The following ZC2HC1A variants were observed in gnomAD, a reference collection of about 807,000 sequenced individuals.
ZC2HC1A encodes zinc finger C2HC domain-containing protein 1A.
ZC2HC1A carries 28 observed loss-of-function variants against 40.7 expected under a neutral mutation model. That is an observed-to-expected ratio of 0.69 (90% CI 0.51 to 0.94). The LOEUF (loss-of-function observed/expected upper bound fraction) is 0.94, where lower values mean the gene tolerates loss of function less well. ZC2HC1A is among the 40% of genes least tolerant of loss of function. ZC2HC1A has a pLI of 0.00. For synonymous variants in ZC2HC1A, 129 were observed against 129.2 expected (o/e 1.00, Z 0.01); for missense variants, 389 against 386.3 (o/e 1.01, Z -0.06).
chr8:78,677,968 T>A (rs922050168), intron 2 of ZC2HC1A, among the ~76,000 whole-genome samples: 2 of 152,114 alleles, frequency 1.3e-5, no homozygotes, highest in African/African-American at 4.8e-5. Flanking sequence ...TTTTAAACCA[T>A]ATAGGGTAAC....
intron 3 of ZC2HC1A, among the ~76,000 whole-genome samples, chr8:78,680,994 G>A (rs544279800): frequency 1.3e-5 from 2 of 152,200 alleles, no homozygotes; most frequent in African/African-American, 2.4e-5. Flanking sequence ...AGTTGAGGAG[G>A]CCTAGTGGCA....
chr8:78,682,898 T>TG (rs1809834431), intron 3 of ZC2HC1A, among the ~76,000 whole-genome samples: 1 of 152,112 alleles, frequency 6.6e-6, no homozygotes, highest in African/African-American at 2.4e-5. Context: ...ATTGGAGAAA[T>TG]GGGCCAAAAC....
At chr8:78,714,836 C>G (rs1452714158) in intron 7 of ZC2HC1A, among the ~76,000 whole-genome samples, 1 of 152,014 alleles carries the variant, frequency 6.6e-6, no homozygotes, top group Non-Finnish European at 1.5e-5. Context: ...ATCGTATATG[C>G]CTAGAATAAT....
chr8:78,698,050 T>G (rs914064729), intron 6 of ZC2HC1A, among the ~76,000 whole-genome samples: 1 of 152,180 alleles, frequency 6.6e-6, no homozygotes, highest in Non-Finnish European at 1.5e-5. Flanking sequence ...CTGTTCAGAA[T>G]AGTCAGCCCA....
intron 1 of ZC2HC1A, among the ~76,000 whole-genome samples, chr8:78,672,410 C>A (rs528277224): frequency 2.0e-5 from 3 of 151,996 alleles, no homozygotes; most frequent in South Asian, 2.1e-4. Flanking sequence ...ATAATACATG[C>A]GGTTTGCATA....
At chr8:78,705,350 G>A (rs1305841887) in intron 7 of ZC2HC1A, among the ~76,000 whole-genome samples, 1 of 152,082 alleles carries the variant, frequency 6.6e-6, no homozygotes, top group Non-Finnish European at 1.5e-5. Flanking sequence ...GTGTATGCTG[G>A]GTGTCCACTC....
chr8:78,666,114 T>A lies in ZC2HC1A; in HGVS notation c.-35T>A, dbSNP rs754770033. On this transcript the variant is annotated 5_prime_UTR_variant, in exon 1 of 9. Coordinates refer to ENST00000263849, the MANE Select transcript of ZC2HC1A (RefSeq NM_016010.3). ...AGAGCTGGGCGGTGGCGGGCGCTGC[T>A]GAAGGAGTCTCGCTGAGCTCGAGGA... The A allele has an allele frequency of 1.9e-6, 3 of 1,560,758 alleles. No individual in the cohort carries two copies. Among genetic ancestry groups the A allele is most frequent in the East Asian group, 2.4e-5 (1 of 42,186 alleles).
intron 8 of ZC2HC1A, 149 bp downstream of exon 8, chr8:78,715,477 T>C (rs1563641675): frequency 3.0e-6 from 2 of 656,120 alleles, no homozygotes; most frequent in South Asian, 2.4e-5. Flanking sequence ...ACACCTCTAA[T>C]GGATTTGGGC....
intron 7 of ZC2HC1A, 134 bp from the exon 8 acceptor site, chr8:78,715,087 A>C (rs1443463622): frequency 1.3e-6 from 1 of 741,250 alleles, no homozygotes; most frequent in African/African-American, 1.8e-5. Context: ...CAGATTTAAA[A>C]TAATTATTGG....
intron 1 of ZC2HC1A, among the ~76,000 whole-genome samples, chr8:78,669,206 C>T (rs1809378268): frequency 6.6e-6 from 1 of 151,988 alleles, no homozygotes; most frequent in African/African-American, 2.4e-5. Context: ...TTTTAATAGA[C>T]AGTATATTGG....
chr8:78,676,952 T>G (rs938788174), intron 2 of ZC2HC1A, among the ~76,000 whole-genome samples: 2 of 152,050 alleles, frequency 1.3e-5, no homozygotes, highest in African/African-American at 4.8e-5. Context: ...AAGGAACATA[T>G]GTACATGGGT....
At chr8:78,669,012 T>C (rs1414307094) in intron 1 of ZC2HC1A, among the ~76,000 whole-genome samples, 1 of 152,212 alleles carries the variant, frequency 6.6e-6, no homozygotes, top group Non-Finnish European at 1.5e-5. Flanking sequence ...CTCTAAAACT[T>C]GATTAGAAGA....
rs180682052 is a variant in ZC2HC1A, at chr8:78,717,171, A to G, written c.813-157A>G. Among the ~76,000 whole-genome samples the G allele has an allele frequency of 3.5e-3, 529 of 152,322 alleles. 16 individuals carry two copies. The highest frequency in any genetic ancestry group is 4.7e-4 in the Non-Finnish European group (32 of 68,028). ...TAAAAAAAAATGTTAGAATTTTAGT[A>G]TTTACTAACAAGGATTTTTTAAAAT... On this transcript the variant is annotated intron_variant, in intron 8 of 8. Coordinates refer to ENST00000263849, the MANE Select transcript of ZC2HC1A (RefSeq NM_016010.3).
intron 5 of ZC2HC1A, among the ~76,000 whole-genome samples, chr8:78,696,191 C>T (rs1810405800): frequency 1.3e-5 from 2 of 151,914 alleles, no homozygotes; most frequent in African/African-American, 4.8e-5. Context: ...CCCGCTACCA[C>T]GCCCGGCTAA....
chr8:78,717,596 G>T lies in ZC2HC1A; in HGVS notation c.*103G>T. The T allele has an allele frequency of 7.9e-7, 1 of 1,269,828 alleles. No homozygotes were observed. The highest frequency in any genetic ancestry group is 1.1e-6 in the Non-Finnish European group (1 of 932,596). The allele number at this position is 1,269,828 out of a possible 1,614,324, so 78.7% of individuals were successfully genotyped here. Reference sequence around the variant, plus strand: ...TAGTTAGTTTGTGCTAAAAATACTCGAAATACCATTTCCAGTTAATTTTGA... The same window carrying T: ...TAGTTAGTTTGTGCTAAAAATACTCTAAATACCATTTCCAGTTAATTTTGA... On this transcript the variant is annotated 3_prime_UTR_variant, in exon 9 of 9. Transcript: ENST00000263849.
chr8:78,675,640 T>C (rs1048742939), intron 1 of ZC2HC1A, 147 bp from the exon 2 acceptor site: 3 of 651,706 alleles, frequency 4.6e-6, no homozygotes, highest in Non-Finnish European at 7.6e-6. Context: ...CTCCTTTTCA[T>C]AGATAATTTT....
At chr8:78,704,104 A>G (rs1810692975) in intron 7 of ZC2HC1A, among the ~76,000 whole-genome samples, 1 of 152,118 alleles carries the variant, frequency 6.6e-6, no homozygotes, top group African/African-American at 2.4e-5. Context: ...AATGTTAGCC[A>G]GGTGTGGTGG....
intron 5 of ZC2HC1A, among the ~76,000 whole-genome samples, chr8:78,695,901 T>G (rs553621985): frequency 6.6e-6 from 1 of 152,252 alleles, no homozygotes; most frequent in East Asian, 1.9e-4. Flanking sequence ...ACATACAGAG[T>G]TAGAAGGATA....
At chr8:78,686,395 G>A in intron 3 of ZC2HC1A, 72 bp from the exon 4 acceptor site, 1 of 1,138,828 alleles carries the variant, frequency 8.8e-7, no homozygotes, top group Non-Finnish European at 1.1e-6. Context: ...GGAATTATCT[G>A]ATGTTTTATT....
Sources: allele counts gnomAD v4.1 joint callset (sites outside exome capture counted in the v4.1 genomes callset), GRCh38; gene constraint gnomAD v4.1.1; transcripts MANE v1.5; gene names NCBI Gene and HGNC (gene_info 2026-07-23, HGNC 2026-07-21).